Variants in TXNDC16 observed in about 807,000 individuals in gnomAD.
The protein encoded by TXNDC16 is thioredoxin domain containing 16.
TXNDC16 carries 74 observed loss-of-function variants against 85.6 expected under a neutral mutation model. The observed-to-expected ratio is 0.86, with a 90% CI of 0.72 to 1.05. TXNDC16 has a LOEUF of 1.05. Ranked by LOEUF, TXNDC16 falls within the 50% of genes least tolerant of loss-of-function variation. The probability of loss-of-function intolerance (pLI) is 0.00; values close to 1 mark genes in which losing one functional copy is unlikely to be tolerated. For missense variants in TXNDC16, 959 were observed against 947.0 expected (o/e 1.01, Z -0.17); for synonymous variants, 335 against 326.5 (o/e 1.03, Z -0.28).
At chr14:52,527,012 C>A (rs1349331570) in intron 6 of TXNDC16, among the ~76,000 whole-genome samples, 3 of 152,226 alleles carry the variant, frequency 2.0e-5, no homozygotes, top group Non-Finnish European at 2.9e-5. Flanking sequence ...CATGGAAGCT[C>A]CACGCCCCTT....
At chr14:52,452,887 G>A (rs1218138161) in intron 18 of TXNDC16, among the ~76,000 whole-genome samples, 10 of 152,000 alleles carry the variant, frequency 6.6e-5, no homozygotes, top group Admixed American at 6.6e-4. Context: ...TCAACAAAGT[G>A]GAGAGAGAGC....
At chr14:52,496,374 C>T (rs1285078290) in intron 9 of TXNDC16, among the ~76,000 whole-genome samples, 2 of 150,574 alleles carry the variant, frequency 1.3e-5, no homozygotes, top group East Asian at 3.9e-4. Context: ...GAACTTGAGA[C>T]TCTTGGTTAC....
chr14:52,465,591 C>CAA (rs11411206), intron 16 of TXNDC16, among the ~76,000 whole-genome samples: 85 of 88,856 alleles, frequency 9.6e-4, no homozygotes, highest in Non-Finnish European at 1.1e-3. Context: ...GACTCCATCT[C>CAA]AAAAAAAAAA....
intron 18 of TXNDC16, 50 bp from the exon 19 acceptor site, chr14:52,440,774 A>T: frequency 6.5e-7 from 1 of 1,543,072 alleles, no homozygotes; most frequent in South Asian, 1.2e-5. Context: ...GGGGATGATA[A>T]TGCATACCAC....
chr14:52,500,479 T>G (rs1278818473), intron 9 of TXNDC16, among the ~76,000 whole-genome samples: 1 of 152,204 alleles, frequency 6.6e-6, no homozygotes, highest in African/African-American at 2.4e-5. Flanking sequence ...TGAAGTTGTG[T>G]GTTCAATGAG....
chr14:52,522,576 AG>A (rs2037234380), intron 6 of TXNDC16, among the ~76,000 whole-genome samples: 1 of 152,234 alleles, frequency 6.6e-6, no homozygotes, highest in South Asian at 2.1e-4. Flanking sequence ...CTGGCTTCAA[AG>A]GTAGCAATGA....
chr14:52,506,877 A>T (rs529091055), intron 9 of TXNDC16, among the ~76,000 whole-genome samples: 2 of 150,576 alleles, frequency 1.3e-5, no homozygotes, highest in African/African-American at 4.9e-5. Context: ...TTCATGCTAA[A>T]AACTCTCAAC....
At chr14:52,521,569 C>A (rs551998721) in intron 6 of TXNDC16, among the ~76,000 whole-genome samples, 28 of 152,184 alleles carry the variant, frequency 1.8e-4, no homozygotes, top group Middle Eastern at 3.4e-3. Flanking sequence ...AGTGAAAAAG[C>A]CAAATAATGC....
chr14:52,507,832 T>C (rs1490376312), intron 9 of TXNDC16, among the ~76,000 whole-genome samples: 1 of 152,208 alleles, frequency 6.6e-6, no homozygotes, highest in East Asian at 1.9e-4. Context: ...CCCTATTTAA[T>C]AAATGGTGCT....
At chr14:52,447,027 G>A (rs1718720514) in intron 18 of TXNDC16, among the ~76,000 whole-genome samples, 1 of 151,702 alleles carries the variant, frequency 6.6e-6, no homozygotes, top group African/African-American at 2.4e-5. Flanking sequence ...AAAAGTAGAG[G>A]GAAAAGTAAA....
Position 52,432,516 on chromosome 14 carries a change from T to C in TXNDC16, c.2266A>G (p.Thr756Ala). ...YDFLSMIDAATSQRGTRKVPK... is the reference protein window; with the variant it reads ...YDFLSMIDAAASQRGTRKVPK... ...ACTTTCCTAGTGCCACGTTGAGATG[T>C]TGCGGCATCTATCATACTTAGAAAA... The change falls in exon 21 of 21, where the codon ACA becomes GCA. Residue 756 changes from threonine (T) to alanine (A), a missense_variant. Thr to Ala is a moderately conservative substitution (Grantham distance 58). Transcript: ENST00000281741. 5 of 1,614,062 alleles carry C rather than the reference T, an allele frequency of 3.1e-6. No homozygotes were observed. The highest frequency in any genetic ancestry group is 4.2e-6 in the Non-Finnish European group (5 of 1,179,962).
chr14:52,470,806 A>C, intron 14 of TXNDC16, 126 bp from the exon 15 acceptor site: 1 of 774,324 alleles, frequency 1.3e-6, no homozygotes, highest in Non-Finnish European at 2.0e-6. Context: ...CTGCTTAAAC[A>C]CTCTCTTCCC....
Position 52,472,188 on chromosome 14 carries a change from C to CT in TXNDC16, c.1313-1509dup, listed in dbSNP as rs918933014. On this transcript the variant is annotated intron_variant, in intron 14 of 20. Coordinates refer to ENST00000281741, the MANE Select transcript of TXNDC16 (RefSeq NM_020784.3). The stretch of plus-strand genomic sequence containing the variant: ...ATAATATAGGCAAGATTTAGTCTGT[C>CT]TTTTTTTTTTTTGCTTTTGTATATT... Among the ~76,000 whole-genome samples the CT allele has an allele frequency of 8.8e-3, 1,249 of 141,970 alleles. 7 individuals carry two copies. Among genetic ancestry groups the CT allele is most frequent in the African/African-American group, 0.018 (689 of 38,804 alleles). The allele number at this position is 141,970 out of a possible 152,430, so 93.1% of individuals were successfully genotyped here.
intron 1 of TXNDC16, among the ~76,000 whole-genome samples, chr14:52,548,409 C>T (rs1227133590): frequency 6.6e-6 from 1 of 152,096 alleles, no homozygotes; most frequent in Non-Finnish European, 1.5e-5. Context: ...TCAGATGTTC[C>T]TGTAGATAAT....
rs763529739 is a variant in TXNDC16, at chr14:52,455,360, T to C, written c.1806A>G (p.Ile602Met). ...IPLASTHAQD[I>M]VQIITDALLE... ...GTAGTGCATCTGTTATTATTTGAACTATGTCTTGTGCATGTGTGCTAGCTA... is the reference window on the plus strand; with the variant it reads ...GTAGTGCATCTGTTATTATTTGAACCATGTCTTGTGCATGTGTGCTAGCTA... Residue 602 changes from isoleucine (I) to methionine (M), a missense_variant, in exon 18 of 21, where the codon ATA becomes ATG. Physicochemically the swap from Ile to Met is conservative, Grantham distance 10. Coordinates refer to ENST00000281741, the MANE Select transcript of TXNDC16 (RefSeq NM_020784.3). 3.1e-6 allele frequency: 5 copies of C among 1,613,860 alleles called. No homozygotes were observed. Among genetic ancestry groups the C allele is most frequent in the Non-Finnish European group, 3.4e-6 (4 of 1,179,890 alleles).
At chr14:52,492,146 C>T (rs1346908856) in intron 9 of TXNDC16, among the ~76,000 whole-genome samples, 2 of 152,182 alleles carry the variant, frequency 1.3e-5, no homozygotes, top group Non-Finnish European at 1.5e-5. Context: ...AATCTAGGAA[C>T]AGTTGACAGT....
At chr14:52,544,555 T>A (rs1194622311) in intron 1 of TXNDC16, among the ~76,000 whole-genome samples, 184 bp from the exon 2 acceptor site, 2 of 151,974 alleles carry the variant, frequency 1.3e-5, no homozygotes, top group Non-Finnish European at 2.9e-5. Context: ...TATATACTCA[T>A]AAGGATAAAA....
At chr14:52,465,772 C>T (rs1211379750) in intron 16 of TXNDC16, among the ~76,000 whole-genome samples, 2 of 152,074 alleles carry the variant, frequency 1.3e-5, no homozygotes, top group East Asian at 1.9e-4. Flanking sequence ...TAAAGAGTAA[C>T]GGTCTAAGTA....
At chr14:52,512,823 A>G (rs970137167) in intron 8 of TXNDC16, among the ~76,000 whole-genome samples, 1 of 152,198 alleles carries the variant, frequency 6.6e-6, no homozygotes. Context: ...TCAGCTCTCA[A>G]TTCAATCTGG....
Sources: gnomAD v4.1 joint callset for allele counts (sites outside exome capture counted in the v4.1 genomes callset) on GRCh38, gnomAD v4.1.1 for gene constraint, MANE v1.5 for transcripts, NCBI Gene and HGNC (gene_info 2026-07-23, HGNC 2026-07-21) for gene names.